SLC4A10: variants seen among roughly 807,000 people sequenced by gnomAD.
SLC4A10 encodes the protein solute carrier family 4 member 10.
In SLC4A10, 42 loss-of-function variants were observed where a neutral mutation model predicts 137.7. That is an observed-to-expected ratio of 0.30 (90% confidence interval 0.24 to 0.39). The LOEUF (loss-of-function observed/expected upper bound fraction) is 0.39. Among genes scored for constraint, SLC4A10 ranks in the 10% least tolerant of loss-of-function variants. The probability of loss-of-function intolerance (pLI) is 1.00; values close to 1 mark genes in which losing one functional copy is unlikely to be tolerated. For synonymous variants in SLC4A10, 474 were observed against 464.1 expected, an observed-to-expected ratio of 1.02 and a Z score of -0.27; for missense variants, 925 against 1,355.0, an observed-to-expected ratio of 0.68 and a Z score of 4.98.
chr2:161,757,610 G>C (rs531217601), intron 1 of SLC4A10, among the ~76,000 whole-genome samples: 1 of 152,214 alleles, frequency 6.6e-6, no homozygotes, highest in South Asian at 2.1e-4. Flanking sequence ...AAAATCACGT[G>C]GCTAAATAAG....
chr2:161,916,060 A>T (rs1266211205), intron 15 of SLC4A10, among the ~76,000 whole-genome samples: 3 of 152,208 alleles, frequency 2.0e-5, no homozygotes, highest in South Asian at 2.1e-4. Context: ...GACTCAGAGG[A>T]GACCAACCCT....
rs2049042244 is a variant in SLC4A10, at chr2:161,752,078, G to T, written c.49-18895G>T. Among the ~76,000 whole-genome samples, 2 of 151,968 alleles carry T rather than the reference G, an allele frequency of 1.3e-5. 1 individual carries two copies. On this transcript the variant is annotated intron_variant, in intron 1 of 26. Transcript: ENST00000446997. ...TGCTGCTAAAGAAATGGAGGGTTGG[G>T]TTAGTATTTACCTTTGAAAAATCTG...
chr2:161,708,058 A>G (rs576144366), intron 1 of SLC4A10, among the ~76,000 whole-genome samples: 1 of 151,540 alleles, frequency 6.6e-6, no homozygotes, highest in Non-Finnish European at 1.5e-5. Flanking sequence ...AAATAAAAAT[A>G]TAAAATGTAT....
intron 3 of SLC4A10, among the ~76,000 whole-genome samples, chr2:161,816,523 C>A (rs149695780): frequency 1.3e-5 from 2 of 151,932 alleles, no homozygotes; most frequent in African/African-American, 4.8e-5. Context: ...TACATGTGGA[C>A]AACGTGCAGG....
At chr2:161,925,047 G>C (rs925751805) in intron 15 of SLC4A10, among the ~76,000 whole-genome samples, 1 of 152,104 alleles carries the variant, frequency 6.6e-6, no homozygotes, top group African/African-American at 2.4e-5. Flanking sequence ...CAAACTACAC[G>C]GTGAAATGTA....
chr2:161,957,334 T>C lies in SLC4A10; in HGVS notation c.2793+94T>C, dbSNP rs1695838200. On this transcript the variant is annotated intron_variant, in intron 20 of 26. Transcript: ENST00000446997. Reference sequence around the variant, plus strand: ...AATCTGAGCCATAAATTTGCAAATATTGTGTGGCATGTGATGAAAGTGATG... The same window carrying C: ...AATCTGAGCCATAAATTTGCAAATACTGTGTGGCATGTGATGAAAGTGATG... 5 of 1,353,212 alleles carry C rather than the reference T, an allele frequency of 3.7e-6. No homozygotes were observed. The South Asian group carries it at 7.5e-5, about 20-fold the overall frequency. 83.8% of individuals were successfully genotyped at this position (1,353,212 alleles called of 1,614,324 possible).
In SLC4A10 at chr2:161,984,847, T is replaced by G. The variant is rs1243570926; in HGVS notation, c.*1695T>G. 2 of 152,100 alleles carry G rather than the reference T, an allele frequency of 1.3e-5. No homozygotes were observed. Among genetic ancestry groups the G allele is most frequent in the Non-Finnish European group, 2.9e-5 (2 of 67,948 alleles). The allele number at this position is 152,100 out of a possible 1,614,324, so 9.4% of individuals were successfully genotyped here. On this transcript the variant is annotated 3_prime_UTR_variant, in exon 27 of 27. Transcript: ENST00000446997. ...CTACATTGTAAACATTTCCATTGTT[T>G]TATGATTTAGCCAGTGATTCCCCAA...
In SLC4A10 at chr2:161,640,722, G is replaced by T. The variant is rs185809295; in HGVS notation, c.48+16156G>T. Reference sequence around the variant, plus strand: ...GCTGGAGTGCAGTCGCTGGTTACAGGCATGGTCATCACAGTGCACTGCAGC... The same window carrying T: ...GCTGGAGTGCAGTCGCTGGTTACAGTCATGGTCATCACAGTGCACTGCAGC... On this transcript the variant is annotated intron_variant, in intron 1 of 26. Transcript: ENST00000446997. Among the ~76,000 whole-genome samples, 227 of 150,754 alleles carry T rather than the reference G, an allele frequency of 1.5e-3. 4 individuals are homozygous for T. Among genetic ancestry groups the T allele is most frequent in the Non-Finnish European group, 8.3e-4 (56 of 67,846 alleles).
At chr2:161,701,044 A>G (rs982996784) in intron 1 of SLC4A10, among the ~76,000 whole-genome samples, 2 of 152,094 alleles carry the variant, frequency 1.3e-5, no homozygotes, top group African/African-American at 2.4e-5. Flanking sequence ...TTCACATGTA[A>G]TAATCACATT....
chr2:161,975,629 T>C (rs1026146067), intron 24 of SLC4A10, among the ~76,000 whole-genome samples: 2 of 152,150 alleles, frequency 1.3e-5, no homozygotes, highest in Non-Finnish European at 2.9e-5. Context: ...GAAGAACACA[T>C]TTCCAGATTG....
At chr2:161,924,979 G>C (rs190548330) in intron 15 of SLC4A10, among the ~76,000 whole-genome samples, 1 of 152,258 alleles carries the variant, frequency 6.6e-6, no homozygotes, top group Admixed American at 6.5e-5. Flanking sequence ...GGAGGGCAGA[G>C]CTACAGGTGT....
intron 3 of SLC4A10, among the ~76,000 whole-genome samples, chr2:161,816,552 A>G (rs2057078291): frequency 6.6e-6 from 1 of 152,138 alleles, no homozygotes; most frequent in East Asian, 1.9e-4. Context: ...ATACGTATAC[A>G]TGTGCCATGG....
chr2:161,932,369 G>T (rs1319370514), intron 15 of SLC4A10, among the ~76,000 whole-genome samples: 1 of 152,124 alleles, frequency 6.6e-6, no homozygotes, highest in Non-Finnish European at 1.5e-5. Flanking sequence ...TTTGAGGGAG[G>T]CTACCATGGG....
At chr2:161,733,887 A>G (rs879392902) in intron 1 of SLC4A10, among the ~76,000 whole-genome samples, 10 of 152,148 alleles carry the variant, frequency 6.6e-5, no homozygotes, top group Non-Finnish European at 1.3e-4. Flanking sequence ...AAGGAGATCA[A>G]TTTGGATTTT....
chr2:161,926,608 T>TA, intron 15 of SLC4A10, among the ~76,000 whole-genome samples: 1 of 143,852 alleles, frequency 7.0e-6, no homozygotes. Context: ...ATTATGATGT[T>TA]AGCTGGTTAT....
At chr2:161,716,110 T>C (rs1282191305) in intron 1 of SLC4A10, among the ~76,000 whole-genome samples, 2 of 152,084 alleles carry the variant, frequency 1.3e-5, no homozygotes, top group African/African-American at 2.4e-5. Flanking sequence ...TCTAAATATG[T>C]TTTTTGGCTG....
chr2:161,782,388 C>T (rs1478718735), intron 2 of SLC4A10, among the ~76,000 whole-genome samples: 1 of 151,844 alleles, frequency 6.6e-6, no homozygotes, highest in African/African-American at 2.4e-5. Flanking sequence ...CCATATAAGG[C>T]CAGCTCTTTG....
At chr2:161,934,334 T>C (rs1168239542) in intron 15 of SLC4A10, among the ~76,000 whole-genome samples, 3 of 151,632 alleles carry the variant, frequency 2.0e-5, no homozygotes, top group Non-Finnish European at 2.9e-5. Flanking sequence ...CTTCCCAGCC[T>C]CTGATAACCA....
At chr2:161,930,399 C>G (rs1690123328) in intron 15 of SLC4A10, among the ~76,000 whole-genome samples, 1 of 151,896 alleles carries the variant, frequency 6.6e-6, no homozygotes, top group African/African-American at 2.4e-5. Flanking sequence ...AGTTATATGA[C>G]CGTTACTTTG....
Sources: gnomAD v4.1 joint callset for allele counts (sites outside exome capture counted in the v4.1 genomes callset) on GRCh38, gnomAD v4.1.1 for gene constraint, MANE v1.5 for transcripts, NCBI Gene and HGNC (gene_info 2026-07-23, HGNC 2026-07-21) for gene names.